Variants in ACTR3C observed in about 807,000 individuals in gnomAD.
ACTR3C encodes the protein actin related protein 3C.
Under a neutral mutation model 26.3 loss-of-function variants are expected in ACTR3C, and 18 were observed. The observed-to-expected ratio is 0.68, with a 90% CI of 0.47 to 1.01. The LOEUF is 1.01. ACTR3C is among the 50% of genes least tolerant of loss of function. The probability of loss-of-function intolerance (pLI) is 0.00; values close to 1 mark genes in which losing one functional copy is unlikely to be tolerated. For missense variants in ACTR3C, 184 were observed against 250.7 expected, an observed-to-expected ratio of 0.73 and a Z score of 1.80; for synonymous variants, 55 against 94.5, an observed-to-expected ratio of 0.58 and a Z score of 2.42.
chr7:150,037,334 G>C, the ACTR3C span, among the ~76,000 whole-genome samples: 12 of 48,550 alleles, frequency 2.5e-4, 5 homozygotes, highest in Non-Finnish European at 5.0e-4. Flanking sequence ...CCTAAGCCGG[G>C]GGGGGAAGAG....
the ACTR3C span, among the ~76,000 whole-genome samples, chr7:150,187,304 C>T: frequency 1.1e-4 from 16 of 151,404 alleles, no homozygotes; most frequent in African/African-American, 3.9e-4. Context: ...TTAGACATTA[C>T]CCCAACTGGC....
chr7:149,988,688 G>A, the ACTR3C span, among the ~76,000 whole-genome samples: 1 of 152,148 alleles, frequency 6.6e-6, no homozygotes, highest in African/African-American at 2.4e-5. Context: ...GTCTCATGAT[G>A]AGAGAACCCT....
the ACTR3C span, among the ~76,000 whole-genome samples, chr7:149,945,754 C>G: frequency 2.6e-5 from 4 of 152,274 alleles, no homozygotes; most frequent in South Asian, 8.3e-4. Context: ...TACTGAAAAC[C>G]ACATCGGGTT....
At chr7:150,237,407 T>A in the ACTR3C span, among the ~76,000 whole-genome samples, 1 of 152,068 alleles carries the variant, frequency 6.6e-6, no homozygotes, top group Non-Finnish European at 1.5e-5. Flanking sequence ...CCTAGAGAAC[T>A]CACCAGTGGG....
the ACTR3C span, among the ~76,000 whole-genome samples, chr7:150,157,448 A>G: frequency 2.0e-5 from 3 of 151,062 alleles, no homozygotes; most frequent in Non-Finnish European, 2.9e-5. Context: ...TAATCACCCA[A>G]CTGGGAGATG....
chr7:150,158,908 CACACACACGT>C, the ACTR3C span, among the ~76,000 whole-genome samples: 2 of 149,154 alleles, frequency 1.3e-5, no homozygotes, highest in African/African-American at 5.1e-5. Context: ...CACACGTGCG[CACACACACGT>C]GCACACACAT....
the ACTR3C span, among the ~76,000 whole-genome samples, chr7:150,164,428 CA>C: frequency 6.6e-6 from 1 of 152,196 alleles, no homozygotes; most frequent in African/African-American, 2.4e-5. Flanking sequence ...ACACATTAAA[CA>C]TGCTTCTTTC....
the ACTR3C span, among the ~76,000 whole-genome samples, chr7:150,110,791 A>AAGGACGGC: frequency 8.2e-6 from 1 of 122,464 alleles, no homozygotes; most frequent in Non-Finnish European, 1.7e-5. Flanking sequence ...TGGCAGAGGC[A>AAGGACGGC]AGGCCGGCAG....
chr7:149,896,195 A>C, the ACTR3C span, among the ~76,000 whole-genome samples: 7 of 152,270 alleles, frequency 4.6e-5, no homozygotes, highest in African/African-American at 1.7e-4. Flanking sequence ...AGACAAAACA[A>C]ACAAAGAAAA....
chr7:150,240,824 A>G (rs1832138399), downstream of ACTR3C, among the ~76,000 whole-genome samples: 1 of 152,242 alleles, frequency 6.6e-6, no homozygotes, highest in South Asian at 2.1e-4. Context: ...TACGGGGTTT[A>G]CAAATAAAGG....
the ACTR3C span, among the ~76,000 whole-genome samples, chr7:149,918,508 G>A: frequency 6.6e-6 from 1 of 152,150 alleles, no homozygotes; most frequent in African/African-American, 2.4e-5. Context: ...CTGGCCAACA[G>A]GGAGAAACCC....
the ACTR3C span, among the ~76,000 whole-genome samples, chr7:149,913,961 C>T: frequency 1.8e-3 from 265 of 150,212 alleles, no homozygotes; most frequent in Non-Finnish European, 2.2e-3. Flanking sequence ...TCACGGCTCA[C>T]TGCAGCCTCA....
the ACTR3C span, among the ~76,000 whole-genome samples, chr7:150,212,584 C>A: frequency 6.6e-6 from 1 of 150,796 alleles, no homozygotes; most frequent in East Asian, 1.9e-4. Flanking sequence ...TATATTTACA[C>A]GGGTACTCTT....
chr7:149,981,893 A>G, the ACTR3C span, among the ~76,000 whole-genome samples: 23,403 of 152,210 alleles, frequency 0.15, 3,553 homozygotes, highest in African/African-American at 0.39. Flanking sequence ...GCAGCACAGA[A>G]CATCGGCCGA....
the ACTR3C span, among the ~76,000 whole-genome samples, chr7:149,980,989 C>G: frequency 6.6e-6 from 1 of 150,606 alleles, no homozygotes. Flanking sequence ...TTTTACCAGA[C>G]AGCAAGCAAG....
At position 150,293,261 on chromosome 7, in the gene ACTR3C, C is replaced by T. The variant is rs531971726; in HGVS notation, c.153+51G>A. 24 of 1,519,946 alleles carry T rather than the reference C, an allele frequency of 1.6e-5. No homozygotes were observed. In the South Asian group the frequency reaches 2.7e-4, roughly 17 times the overall value. 94.2% of individuals were successfully genotyped at this position (1,519,946 alleles called of 1,614,324 possible). ...TTTTTTTTAATTTCCATCCTTACCT[C>T]GAATCAGGTGTTAAGCCTACAGAGA... On this transcript the variant is annotated intron_variant, in intron 3 of 7. Coordinates refer to ENST00000683684, the MANE Select transcript of ACTR3C (RefSeq NM_001164458.2).
the ACTR3C span, among the ~76,000 whole-genome samples, chr7:150,085,970 T>C: frequency 2.0e-5 from 3 of 149,362 alleles, no homozygotes; most frequent in African/African-American, 7.7e-5. Context: ...TTTTTTTTTC[T>C]TTTTTCTTTC....
the ACTR3C span, among the ~76,000 whole-genome samples, chr7:150,164,596 A>G: frequency 2.6e-5 from 4 of 152,048 alleles, no homozygotes; most frequent in African/African-American, 7.2e-5. Context: ...GCAGCATCAC[A>G]GAGATAAAAT....
the ACTR3C span, among the ~76,000 whole-genome samples, chr7:150,198,086 T>C: frequency 8.6e-5 from 13 of 151,604 alleles, no homozygotes; most frequent in East Asian, 2.5e-3. Context: ...CCGCGAGTGA[T>C]CCGCCAGCCT....
Sources: gnomAD v4.1 joint callset for allele counts (sites outside exome capture counted in the v4.1 genomes callset) on GRCh38, gnomAD v4.1.1 for gene constraint, MANE v1.5 for transcripts, NCBI Gene and HGNC (gene_info 2026-07-23, HGNC 2026-07-21) for gene names.